Variants in ZNF804B observed in about 807,000 individuals in gnomAD.
The protein encoded by ZNF804B is zinc finger 804B.
ZNF804B carries 80 observed loss-of-function variants against 101.4 expected under a neutral mutation model. That is an observed-to-expected ratio of 0.79 (90% CI 0.66 to 0.95). The LOEUF (loss-of-function observed/expected upper bound fraction) is 0.95. Ranked by LOEUF, ZNF804B falls within the 40% of genes least tolerant of loss-of-function variation. The probability of loss-of-function intolerance (pLI) is 0.00; values close to 1 mark genes in which losing one functional copy is unlikely to be tolerated. For synonymous variants in ZNF804B, 622 were observed against 558.8 expected, an observed-to-expected ratio of 1.11 and a Z score of -1.59; for missense variants, 1,673 against 1,561.9, an observed-to-expected ratio of 1.07 and a Z score of -1.20.
At chr7:89,160,491 C>A (rs1369742720) in intron 1 of ZNF804B, among the ~76,000 whole-genome samples, 4 of 152,144 alleles carry the variant, frequency 2.6e-5, no homozygotes, top group Non-Finnish European at 4.4e-5. Flanking sequence ...CAATTTAGTT[C>A]TTTAGCACCA....
chr7:88,794,163 A>T (rs10232200), intron 1 of ZNF804B: 2 of 1,574,670 alleles, frequency 1.3e-6, no homozygotes, highest in Non-Finnish European at 1.7e-6. Flanking sequence ...AGACATGGGC[A>T]CATTATCCCT....
At chr7:89,132,555 G>C (rs1033245331) in intron 1 of ZNF804B, among the ~76,000 whole-genome samples, 1 of 151,972 alleles carries the variant, frequency 6.6e-6, no homozygotes, top group African/African-American at 2.4e-5. Flanking sequence ...GTGACCTTAG[G>C]TATTATGTCA....
intron 1 of ZNF804B, among the ~76,000 whole-genome samples, chr7:89,074,319 A>G (rs538661676): frequency 1.3e-5 from 2 of 152,340 alleles, no homozygotes; most frequent in Non-Finnish European, 2.9e-5. Flanking sequence ...CCTCCACCCA[A>G]ATCTAATCTT....
At chr7:89,091,331 G>T (rs1364602481) in intron 1 of ZNF804B, among the ~76,000 whole-genome samples, 1 of 152,082 alleles carries the variant, frequency 6.6e-6, no homozygotes, top group Non-Finnish European at 1.5e-5. Context: ...AACATGGTGA[G>T]ACCTAGCCAA....
intron 1 of ZNF804B, among the ~76,000 whole-genome samples, chr7:88,963,408 C>A (rs1793415003): frequency 6.6e-6 from 1 of 151,256 alleles, no homozygotes; most frequent in Admixed American, 6.6e-5. Context: ...CCAAACTTTT[C>A]AGTGAGGAAA....
intron 1 of ZNF804B, among the ~76,000 whole-genome samples, chr7:89,124,429 A>G (rs553252658): frequency 1.3e-5 from 2 of 152,298 alleles, no homozygotes; most frequent in South Asian, 4.1e-4. Flanking sequence ...CTGCAGAAAC[A>G]AAGGCTGTTT....
Position 88,936,486 on chromosome 7 carries a change from C to T in ZNF804B, c.108+176402C>T, listed in dbSNP as rs191612949. On this transcript the variant is annotated intron_variant, in intron 1 of 3. Transcript: ENST00000333190. ...TGAAGCTTAAATAACCTCTTCATAGCGAAGAGGGAAATGGGGGATGTAGGC... is the reference window on the plus strand; with the variant it reads ...TGAAGCTTAAATAACCTCTTCATAGTGAAGAGGGAAATGGGGGATGTAGGC... Among the ~76,000 whole-genome samples, 66 of 151,978 alleles carry T rather than the reference C, an allele frequency of 4.3e-4. No homozygotes were observed. The East Asian group carries it at 0.012, about 29-fold the overall frequency.
intron 1 of ZNF804B, among the ~76,000 whole-genome samples, chr7:88,954,139 A>G (rs1265753558): frequency 6.6e-6 from 1 of 151,796 alleles, no homozygotes; most frequent in Non-Finnish European, 1.5e-5. Flanking sequence ...ATATTTTCAG[A>G]AAAGTTTGAA....
intron 1 of ZNF804B, among the ~76,000 whole-genome samples, chr7:89,075,591 T>C (rs367794465): frequency 3.1e-4 from 47 of 152,276 alleles, no homozygotes; most frequent in African/African-American, 1.0e-3. Context: ...GGAGCTCTCA[T>C]AGAGAACATC....
intron 1 of ZNF804B, among the ~76,000 whole-genome samples, chr7:88,947,465 T>A (rs1793153028): frequency 1.3e-5 from 2 of 150,684 alleles, no homozygotes; most frequent in African/African-American, 4.9e-5. Context: ...AGTTGAACAA[T>A]GAGAACACGT....
In ZNF804B at chr7:89,327,859, A is replaced by G. The variant is rs572243276; in HGVS notation, c.380+385A>G. Among the ~76,000 whole-genome samples the G allele has an allele frequency of 9.9e-4, 150 of 152,102 alleles. 3 individuals are homozygous for G. The highest frequency in any genetic ancestry group is 6.8e-3 in the Middle Eastern group (2 of 294). ...AAGTCTTCTGAACATTTCCGTGTAC[A>G]CACCTGTGTCTAGTACAAATAACAC... On this transcript the variant is annotated intron_variant, in intron 3 of 3. Coordinates refer to ENST00000333190, the MANE Select transcript of ZNF804B (RefSeq NM_181646.5).
intron 1 of ZNF804B, among the ~76,000 whole-genome samples, chr7:88,932,253 C>T (rs570631286): frequency 1.3e-4 from 19 of 151,864 alleles, no homozygotes; most frequent in African/African-American, 4.6e-4. Context: ...CATAAGAATA[C>T]TCATTTCCTA....
intron 2 of ZNF804B, among the ~76,000 whole-genome samples, chr7:89,289,936 G>A (rs988086003): frequency 6.6e-6 from 1 of 152,150 alleles, no homozygotes; most frequent in African/African-American, 2.4e-5. Flanking sequence ...ACAGCTTGTG[G>A]ATCCAAGAGA....
intron 1 of ZNF804B, among the ~76,000 whole-genome samples, chr7:89,057,437 G>A (rs772677950): frequency 3.3e-5 from 5 of 152,200 alleles, no homozygotes; most frequent in Non-Finnish European, 7.4e-5. Flanking sequence ...ACCATCCAAT[G>A]ACTGGAGCTC....
At chr7:88,789,289 A>G (rs1412090339) in intron 1 of ZNF804B, among the ~76,000 whole-genome samples, 1 of 152,146 alleles carries the variant, frequency 6.6e-6, no homozygotes, top group African/African-American at 2.4e-5. Flanking sequence ...AATGAGAAAA[A>G]GTGAGTAGAC....
intron 1 of ZNF804B, among the ~76,000 whole-genome samples, chr7:89,055,646 T>A (rs1474458172): frequency 6.6e-6 from 1 of 152,094 alleles, no homozygotes; most frequent in Non-Finnish European, 1.5e-5. Flanking sequence ...GCTTCCTTTG[T>A]CCAGTGAAAA....
intron 1 of ZNF804B, among the ~76,000 whole-genome samples, chr7:88,854,414 C>CCTTCCTTCCTTTCTTTCTTTCTTT (rs1232481883): frequency 1.8e-5 from 1 of 57,076 alleles, no homozygotes; most frequent in African/African-American, 6.3e-5. Flanking sequence ...TTTCTTTCTT[C>CCTTCCTTCCTTTCTTTCTTTCTTT]CTTTCTTTCT....
In ZNF804B at chr7:89,049,900, T is replaced by C. The variant is rs546924726; in HGVS notation, c.109-168255T>C. Among the ~76,000 whole-genome samples, 239 of 152,214 alleles carry C rather than the reference T, an allele frequency of 1.6e-3. 2 individuals are homozygous for C. Among genetic ancestry groups the C allele is most frequent in the African/African-American group, 5.4e-3 (223 of 41,544 alleles). The stretch of plus-strand genomic sequence containing the variant: ...GGTGGCATGTGCCTGTAGTCCCAGC[T>C]ACTCGGGAGGTTGAGGCAGGAGAAT... On this transcript the variant is annotated intron_variant, in intron 1 of 3. Coordinates refer to ENST00000333190, the MANE Select transcript of ZNF804B (RefSeq NM_181646.5).
intron 1 of ZNF804B, among the ~76,000 whole-genome samples, chr7:88,898,604 C>T (rs1274012958): frequency 1.3e-5 from 2 of 152,176 alleles, no homozygotes; most frequent in Non-Finnish European, 2.9e-5. Context: ...CTCTCTCCCA[C>T]AGTCTAGAGG....
Sources: gnomAD v4.1 joint callset for allele counts (sites outside exome capture counted in the v4.1 genomes callset) on GRCh38, gnomAD v4.1.1 for gene constraint, MANE v1.5 for transcripts, NCBI Gene and HGNC (gene_info 2026-07-23, HGNC 2026-07-21) for gene names.